The following TMEM272 variants were observed in gnomAD, a reference collection of about 807,000 sequenced individuals.
The protein encoded by TMEM272 is transmembrane protein 272.
Under a neutral mutation model 3.7 loss-of-function variants are expected in TMEM272, and 8 were observed. The ratio of observed to expected loss-of-function variants is 2.17; its 90% CI spans 1.27 to 3.91. The LOEUF is 3.91. Among genes scored for constraint, TMEM272 ranks in the 30% most tolerant of loss-of-function variants. The probability of loss-of-function intolerance (pLI) is 0.00; values close to 1 mark genes in which losing one functional copy is unlikely to be tolerated. For missense variants in TMEM272, 166 were observed against 91.5 expected (o/e 1.81, Z -3.32); for synonymous variants, 63 against 39.8 (o/e 1.58, Z -2.20).
At chr13:51,892,313 T>C in the TMEM272 span, among the ~76,000 whole-genome samples, 1 of 152,226 alleles carries the variant, frequency 6.6e-6, no homozygotes, top group Non-Finnish European at 1.5e-5. Flanking sequence ...TACTCCGCTG[T>C]ACACAGTTTT....
At chr13:51,824,284 CTTTTTGGT>C (rs1555274046) in intron 3 of TMEM272, among the ~76,000 whole-genome samples, 1 of 152,006 alleles carries the variant, frequency 6.6e-6, no homozygotes, top group Non-Finnish European at 1.5e-5. Context: ...CACGATTATT[CTTTTTGGT>C]TTTAGATCTC....
chr13:51,916,258 G>A, the TMEM272 span, among the ~76,000 whole-genome samples: 1 of 152,084 alleles, frequency 6.6e-6, no homozygotes, highest in South Asian at 2.1e-4. Context: ...CCCTTCCTGT[G>A]CATTACAGAA....
chr13:51,889,710 C>A, the TMEM272 span, among the ~76,000 whole-genome samples: 1 of 152,030 alleles, frequency 6.6e-6, no homozygotes. Flanking sequence ...GGTGCGATCC[C>A]GGCTCACCTT....
At chr13:51,918,131 G>A in the TMEM272 span, among the ~76,000 whole-genome samples, 2 of 152,144 alleles carry the variant, frequency 1.3e-5, no homozygotes, top group African/African-American at 4.8e-5. Flanking sequence ...TACCATCACA[G>A]TTCTCAAAAT....
At chr13:51,826,328 AAG>A (rs1173604041) in intron 3 of TMEM272, among the ~76,000 whole-genome samples, 1 of 152,088 alleles carries the variant, frequency 6.6e-6, no homozygotes, top group Non-Finnish European at 1.5e-5. Context: ...AGATTTCTAA[AAG>A]AGAGTGTCTG....
At chr13:51,825,136 T>C (rs1956112987) in intron 3 of TMEM272, among the ~76,000 whole-genome samples, 1 of 152,218 alleles carries the variant, frequency 6.6e-6, no homozygotes, top group South Asian at 2.1e-4. Flanking sequence ...ATTTTTGAAT[T>C]GCACTGTAAT....
the TMEM272 span, among the ~76,000 whole-genome samples, chr13:51,878,954 TAC>T: frequency 6.6e-6 from 1 of 152,248 alleles, no homozygotes; most frequent in Non-Finnish European, 1.5e-5. Context: ...GATTTGTATT[TAC>T]ACAGAGATTC....
chr13:51,896,689 T>C, the TMEM272 span, among the ~76,000 whole-genome samples: 1 of 152,158 alleles, frequency 6.6e-6, no homozygotes, highest in African/African-American at 2.4e-5. Flanking sequence ...TTACAGTGTC[T>C]CCAGAACCCG....
At chr13:51,898,267 A>G in the TMEM272 span, among the ~76,000 whole-genome samples, 1 of 151,988 alleles carries the variant, frequency 6.6e-6, no homozygotes, top group Admixed American at 6.6e-5. Context: ...AATTAGAACA[A>G]AAGTGCAGTG....
At chr13:51,928,166 A>G in the TMEM272 span, among the ~76,000 whole-genome samples, 1 of 152,048 alleles carries the variant, frequency 6.6e-6, no homozygotes, top group Non-Finnish European at 1.5e-5. Flanking sequence ...AACTTTTGTC[A>G]TCAGTCCACT....
the TMEM272 span, among the ~76,000 whole-genome samples, chr13:51,919,653 T>G: frequency 6.6e-6 from 1 of 152,238 alleles, no homozygotes; most frequent in East Asian, 1.9e-4. Flanking sequence ...GAGTAAATAC[T>G]TTCTCTTATG....
chr13:51,835,725 T>C (rs1274672933), intron 2 of TMEM272, among the ~76,000 whole-genome samples: 1 of 152,224 alleles, frequency 6.6e-6, no homozygotes, highest in Non-Finnish European at 1.5e-5. Flanking sequence ...AAAAGACATA[T>C]TAATTATGAA....
the TMEM272 span, among the ~76,000 whole-genome samples, chr13:51,879,160 G>T: frequency 1.3e-5 from 2 of 152,132 alleles, no homozygotes; most frequent in Non-Finnish European, 2.9e-5. Flanking sequence ...CTGAGAAACA[G>T]AGAAAGCCAG....
At chr13:51,859,641 G>A in the TMEM272 span, among the ~76,000 whole-genome samples, 1 of 151,768 alleles carries the variant, frequency 6.6e-6, no homozygotes, top group African/African-American at 2.4e-5. Context: ...AGACTTTAAT[G>A]CCCACACATG....
the TMEM272 span, among the ~76,000 whole-genome samples, chr13:51,919,097 G>A: frequency 2.0e-5 from 3 of 151,788 alleles, no homozygotes; most frequent in African/African-American, 4.8e-5. Context: ...GCCCTTGCTC[G>A]CCTCTGTGTG....
At chr13:51,897,727 G>C in the TMEM272 span, among the ~76,000 whole-genome samples, 1 of 150,936 alleles carries the variant, frequency 6.6e-6, no homozygotes, top group East Asian at 2.0e-4. Flanking sequence ...AGGAGTTGGA[G>C]ACCAGCCTGG....
chr13:51,872,478 CA>C, the TMEM272 span, among the ~76,000 whole-genome samples: 1 of 152,048 alleles, frequency 6.6e-6, no homozygotes, highest in Non-Finnish European at 1.5e-5. Flanking sequence ...AGGAAAAGAA[CA>C]TAGGGGAAGA....
chr13:51,868,403 G>A, the TMEM272 span, among the ~76,000 whole-genome samples: 1 of 152,220 alleles, frequency 6.6e-6, no homozygotes, highest in Non-Finnish European at 1.5e-5. Context: ...AGAGATGAAT[G>A]AAACCGAGTT....
At chr13:51,901,005 G>A in the TMEM272 span, among the ~76,000 whole-genome samples, 1 of 152,182 alleles carries the variant, frequency 6.6e-6, no homozygotes, top group African/African-American at 2.4e-5. Flanking sequence ...GGGAGAGAAG[G>A]GTGGTGAAAA....
Sources: gnomAD v4.1 joint callset for allele counts (sites outside exome capture counted in the v4.1 genomes callset) on GRCh38, gnomAD v4.1.1 for gene constraint, MANE v1.5 for transcripts, NCBI Gene and HGNC (gene_info 2026-07-23, HGNC 2026-07-21) for gene names.